The following ST3GAL3 variants were observed in gnomAD, a reference collection of about 807,000 sequenced individuals.
The protein encoded by ST3GAL3 is CMP-N-acetylneuraminate-beta-1,4-galactoside alpha-2,3-sialyltransferase.
Under a neutral mutation model 50.1 loss-of-function variants are expected in ST3GAL3, and 21 were observed. The observed-to-expected ratio is 0.42, with a 90% CI of 0.30 to 0.60. The LOEUF (loss-of-function observed/expected upper bound fraction) is 0.60. Among genes scored for constraint, ST3GAL3 ranks in the 20% least tolerant of loss-of-function variants. ST3GAL3 has a pLI of 0.19. For missense variants in ST3GAL3, 353 were observed against 489.4 expected (o/e 0.72, Z 2.63); for synonymous variants, 183 against 190.0 (o/e 0.96, Z 0.30).
chr1:43,749,867 G>T (rs1685346459), intron 2 of ST3GAL3, among the ~76,000 whole-genome samples: 2 of 152,146 alleles, frequency 1.3e-5, no homozygotes, highest in South Asian at 2.1e-4. Context: ...TCTGCCTTCT[G>T]CCATATGAGG....
rs2077071389 is a variant in ST3GAL3 at position 43,894,373 on chromosome 1, T to TA, written c.303-9dup. 2 of 1,613,830 alleles carry TA rather than the reference T, an allele frequency of 1.2e-6. No homozygotes were observed. The highest frequency in any genetic ancestry group is 1.7e-6 in the Non-Finnish European group (2 of 1,179,830). On this transcript the variant is annotated splice_polypyrimidine_tract_variant and intron_variant, in intron 5 of 11. Coordinates refer to ENST00000347631, the MANE Select transcript of ST3GAL3 (RefSeq NM_006279.5). ...TTTTTGTGATCCTCAGCAGTCCTGTTATATTCCAGGTTCTCCAAGCCAGCA... is the reference window on the plus strand; with the variant it reads ...TTTTTGTGATCCTCAGCAGTCCTGTTAATATTCCAGGTTCTCCAAGCCAGCA...
In ST3GAL3 at chr1:43,928,716, C is replaced by T. The variant is rs572317727; in HGVS notation, c.1039-1416C>T. 1.1e-4 allele frequency among the ~76,000 whole-genome samples: 17 copies of T among 152,252 alleles called. No individual in the cohort carries two copies. In the South Asian group the frequency reaches 1.2e-3, roughly 11 times the overall value. ...CTGAGGTCAGGAGTTCAAAACCAGC[C>T]TGACCAACATGGTGAAACCCCCATC... is the stretch of plus-strand genomic sequence containing the variant. On this transcript the variant is annotated intron_variant, in intron 11 of 11. Coordinates refer to ENST00000347631, the MANE Select transcript of ST3GAL3 (RefSeq NM_006279.5).
At chr1:43,813,897 A>G (rs12725933) in intron 3 of ST3GAL3, among the ~76,000 whole-genome samples, 8,697 of 41,942 alleles carry the variant, frequency 0.21, 325 homozygotes, top group South Asian at 0.32. Flanking sequence ...ACACACACGC[A>G]CACACGCACA....
chr1:43,751,216 G>A (rs6700256), intron 2 of ST3GAL3, among the ~76,000 whole-genome samples: 55,153 of 151,880 alleles, frequency 0.36, 11,108 homozygotes, highest in African/African-American at 0.55. Flanking sequence ...TTCCATATTG[G>A]CAGTACCTTT....
chr1:43,888,799 A>C (rs1023880936), intron 5 of ST3GAL3, among the ~76,000 whole-genome samples: 27 of 152,104 alleles, frequency 1.8e-4, no homozygotes, highest in African/African-American at 6.3e-4. Context: ...GCTGTGGGGG[A>C]GTGGCACTTT....
At chr1:43,734,789 A>C (rs1198338160) in intron 1 of ST3GAL3, among the ~76,000 whole-genome samples, 9 of 152,034 alleles carry the variant, frequency 5.9e-5, no homozygotes, top group Non-Finnish European at 1.2e-4. Flanking sequence ...ATGTTTTGTC[A>C]CACCATTATT....
intron 1 of ST3GAL3, among the ~76,000 whole-genome samples, chr1:43,715,184 A>G (rs1666761982): frequency 6.6e-6 from 1 of 152,198 alleles, no homozygotes; most frequent in Non-Finnish European, 1.5e-5. Flanking sequence ...AAAGTTTAAA[A>G]ATTATTGAGT....
At chr1:43,884,656 G>C (rs979290134) in intron 5 of ST3GAL3, among the ~76,000 whole-genome samples, 4 of 152,182 alleles carry the variant, frequency 2.6e-5, no homozygotes, top group African/African-American at 9.7e-5. Flanking sequence ...TGGGAGCCAA[G>C]GCCTGTGGTT....
chr1:43,744,258 C>CT lies in ST3GAL3; in HGVS notation c.118+7888dup, dbSNP rs1170419436. ...GTTTTTCCTTCAAATCAAGCATCTT[C>CT]TTTTTTTTTTAGACAGAATCTTGCT... On this transcript the variant is annotated intron_variant, in intron 2 of 11. Coordinates refer to ENST00000347631, the MANE Select transcript of ST3GAL3 (RefSeq NM_006279.5). 9.4e-5 allele frequency among the ~76,000 whole-genome samples: 14 copies of CT among 148,286 alleles called. No individual in the cohort carries two copies. The East Asian group carries it at 1.6e-3, about 17-fold the overall frequency.
chr1:43,901,449 C>T (rs193168016), intron 9 of ST3GAL3, among the ~76,000 whole-genome samples: 1 of 152,334 alleles, frequency 6.6e-6, no homozygotes, highest in Admixed American at 6.5e-5. Flanking sequence ...CAGAGCCTGT[C>T]ATGGGTGTTA....
intron 9 of ST3GAL3, chr1:43,912,815 C>T (rs529935482): frequency 1.3e-5 from 2 of 152,246 alleles, no homozygotes; most frequent in Admixed American, 6.5e-5. Context: ...AGGAGTCTGG[C>T]AGCTTCACAC....
intron 2 of ST3GAL3, among the ~76,000 whole-genome samples, chr1:43,776,462 A>G (rs1697291495): frequency 6.6e-6 from 1 of 152,142 alleles, no homozygotes; most frequent in African/African-American, 2.4e-5. Flanking sequence ...TCCATTCATC[A>G]GTTGATGAAT....
chr1:43,756,935 C>T (rs1028896143), intron 2 of ST3GAL3, among the ~76,000 whole-genome samples: 5 of 152,110 alleles, frequency 3.3e-5, no homozygotes, highest in South Asian at 4.1e-4. Flanking sequence ...GGCAGGGTCT[C>T]GCTCTGTCAC....
chr1:43,783,616 A>G (rs1378115304), intron 2 of ST3GAL3, among the ~76,000 whole-genome samples: 1 of 152,014 alleles, frequency 6.6e-6, no homozygotes, highest in African/African-American at 2.4e-5. Context: ...CCATCCCCTG[A>G]GCTCCAAACC....
chr1:43,747,471 A>C (rs1322573962), intron 2 of ST3GAL3, among the ~76,000 whole-genome samples: 1 of 151,592 alleles, frequency 6.6e-6, no homozygotes, highest in Non-Finnish European at 1.5e-5. Flanking sequence ...AAACGGGCCC[A>C]GGGCTTCCAT....
chr1:43,778,830 G>A (rs1698316667), intron 2 of ST3GAL3, among the ~76,000 whole-genome samples: 1 of 151,780 alleles, frequency 6.6e-6, no homozygotes, highest in South Asian at 2.1e-4. Context: ...TGTATTTTTA[G>A]TAGAGGCAGG....
At chr1:43,752,713 G>A (rs1216295778) in intron 2 of ST3GAL3, among the ~76,000 whole-genome samples, 1 of 151,898 alleles carries the variant, frequency 6.6e-6, no homozygotes, top group African/African-American at 2.4e-5. Flanking sequence ...TGTTTGCCCA[G>A]GCTCGTCTTG....
At chr1:43,857,586 C>CCTCCCTTCCTTCCTT (rs1558605800) in intron 5 of ST3GAL3, among the ~76,000 whole-genome samples, 1 of 85,976 alleles carries the variant, frequency 1.2e-5, no homozygotes, top group African/African-American at 6.0e-5. Flanking sequence ...CTTCCTCCCT[C>CCTCCCTTCCTTCCTT]CCTTCCTTCC....
chr1:43,750,539 A>G (rs143677513), intron 2 of ST3GAL3, among the ~76,000 whole-genome samples: 33 of 152,312 alleles, frequency 2.2e-4, no homozygotes, highest in African/African-American at 7.7e-4. Context: ...AGAATATGAT[A>G]TTGGGGTTGA....
Sources: allele counts gnomAD v4.1 joint callset (sites outside exome capture counted in the v4.1 genomes callset), GRCh38; gene constraint gnomAD v4.1.1; transcripts MANE v1.5; gene names NCBI Gene and HGNC (gene_info 2026-07-23, HGNC 2026-07-21).